Variants in SEC24A observed in about 807,000 individuals in gnomAD.
SEC24A encodes protein transport protein Sec24A.
Under a neutral mutation model 129.4 loss-of-function variants are expected in SEC24A, and 93 were observed. The ratio of observed to expected loss-of-function variants is 0.72; its 90% CI spans 0.61 to 0.85. SEC24A has a LOEUF of 0.85. SEC24A is among the 40% of genes least tolerant of loss of function. The probability of loss-of-function intolerance (pLI) is 0.00; values close to 1 mark genes in which losing one functional copy is unlikely to be tolerated. For missense variants in SEC24A, 1,264 were observed against 1,307.4 expected (o/e 0.97, Z 0.51); for synonymous variants, 460 against 467.3 (o/e 0.98, Z 0.20).
intron 12 of SEC24A, chr5:134,693,105 G>A: frequency 6.5e-7 from 1 of 1,535,834 alleles, no homozygotes; most frequent in East Asian, 2.4e-5. Flanking sequence ...ACAGTGAGAG[G>A]TGAACAGAAT....
chr5:134,652,773 T>G (rs1750105727), intron 1 of SEC24A, among the ~76,000 whole-genome samples: 1 of 151,834 alleles, frequency 6.6e-6, no homozygotes, highest in Non-Finnish European at 1.5e-5. Flanking sequence ...ATTTTGTATT[T>G]TGTTTGTTTG....
chr5:134,705,917 C>T (rs1031998854), intron 17 of SEC24A, among the ~76,000 whole-genome samples: 2 of 146,178 alleles, frequency 1.4e-5, no homozygotes, highest in East Asian at 2.0e-4. Flanking sequence ...GATGGAGTCT[C>T]GCTCTTATTG....
chr5:134,679,197 T>A (rs1389992659), intron 7 of SEC24A, among the ~76,000 whole-genome samples: 6 of 152,062 alleles, frequency 3.9e-5, no homozygotes, highest in African/African-American at 1.4e-4. Flanking sequence ...ATGCTCCCAC[T>A]TCAACCCAGC....
Position 134,674,658 on chromosome 5 carries a change from T to C in SEC24A, c.861T>C (p.Ser287=), listed in dbSNP as rs758808255. ...LTNKNPKMSR[S]VGYSYPSLPP... ...ACAAGAATCCCAAAATGAGCCGAAG[T>C]GTTGGATATTCATATCCCTCCTTAC... Residue 287 remains serine (S), a synonymous_variant, in exon 5 of 23, where the codon AGT becomes AGC. Coordinates refer to ENST00000398844, the MANE Select transcript of SEC24A (RefSeq NM_021982.3). 5.6e-6 allele frequency: 9 copies of C among 1,613,820 alleles called. No homozygotes were observed. In the East Asian group the frequency reaches 1.8e-4, roughly 32 times the overall value.
chr5:134,723,670 G>T lies in SEC24A; in HGVS notation c.3167G>T (p.Arg1056Met). 6.4e-7 allele frequency: 1 copy of T among 1,565,628 alleles called. No homozygotes were observed. Among genetic ancestry groups the T allele is most frequent in the Non-Finnish European group, 8.8e-7 (1 of 1,137,128 alleles). The change falls in exon 22 of 23, where the codon AGG (arginine) becomes ATG (methionine). Residue 1056 changes from arginine (R) to methionine (M), a missense_variant and splice_region_variant. By Grantham distance (91) the Arg-to-Met change is moderately conservative. Coordinates refer to ENST00000398844, the MANE Select transcript of SEC24A (RefSeq NM_021982.3). ...RPFFPILYVI[R>M]DESPMKANFL... ...TTTTTCCCAATACTTTATGTAATAA[G>T]GTAAGTTGAATTTTCCATTTGCTAG...
intron 9 of SEC24A, among the ~76,000 whole-genome samples, chr5:134,686,272 T>C (rs1580711131): frequency 6.6e-6 from 1 of 151,906 alleles, no homozygotes; most frequent in Admixed American, 6.6e-5. Context: ...TCTCACTTTG[T>C]CGCCCAGGCT....
chr5:134,713,013 G>A (rs1214962565), intron 18 of SEC24A, among the ~76,000 whole-genome samples: 2 of 135,882 alleles, frequency 1.5e-5, no homozygotes, highest in East Asian at 2.3e-4. Context: ...CTCACTGCAA[G>A]CTCCGCCTCC....
intron 15 of SEC24A, among the ~76,000 whole-genome samples, chr5:134,703,558 G>A (rs781601612): frequency 5.9e-5 from 9 of 152,118 alleles, no homozygotes; most frequent in African/African-American, 1.2e-4. Context: ...GTGAGCTACC[G>A]CACCTGACCC....
In SEC24A at chr5:134,648,853, C is replaced by T. The variant is rs1161395305; in HGVS notation, c.-224C>T. ...CGCCTTCTAGCCGGGCGTTCGCGGC[C>T]CCGCCGGCCCGACTCTCAAGCCTCA... is the stretch of plus-strand genomic sequence containing the variant. On this transcript the variant is annotated 5_prime_UTR_variant, in exon 1 of 23. Coordinates refer to ENST00000398844, the MANE Select transcript of SEC24A (RefSeq NM_021982.3). 7.6e-6 allele frequency: 3 copies of T among 394,480 alleles called. No homozygotes were observed. Among genetic ancestry groups the T allele is most frequent in the East Asian group, 7.9e-5 (2 of 25,332 alleles). 24.4% of individuals were successfully genotyped at this position (394,480 alleles called of 1,614,324 possible).
chr5:134,649,823 G>A (rs956561168), intron 1 of SEC24A, among the ~76,000 whole-genome samples: 1 of 152,210 alleles, frequency 6.6e-6, no homozygotes, highest in Non-Finnish European at 1.5e-5. Context: ...GTACATTATA[G>A]TTTGTCATTT....
intron 5 of SEC24A, 63 bp downstream of exon 5, chr5:134,674,838 A>G (rs549930044): frequency 1.4e-6 from 2 of 1,420,762 alleles, no homozygotes; most frequent in African/African-American, 2.9e-5. Flanking sequence ...ATACACATGA[A>G]GAAAGTTTTA....
Position 134,703,887 on chromosome 5 carries a change from CAGTT to C in SEC24A, c.2396_2399del (p.Gln799ArgfsTer28), listed in dbSNP as rs1752076881. On this transcript the variant is annotated frameshift_variant, in exon 16 of 23. Transcript: ENST00000398844. LOFTEE classifies it high-confidence loss of function. ...AGTGGAAGAGAGTCTTACTGACACT[CAGTT>C]GGTTTCTTTTCAGTCAGCACTCTTG... 2.5e-6 allele frequency: 4 copies of C among 1,609,604 alleles called. No homozygotes were observed. The highest frequency in any genetic ancestry group is 3.4e-6 in the Non-Finnish European group (4 of 1,176,316).
At chr5:134,653,445 T>C (rs1442989007) in intron 1 of SEC24A, among the ~76,000 whole-genome samples, 1 of 152,042 alleles carries the variant, frequency 6.6e-6, no homozygotes, top group Non-Finnish European at 1.5e-5. Context: ...AAAACAGAGC[T>C]GCACTCTGTT....
chr5:134,716,937 T>G (rs546984314), intron 19 of SEC24A, among the ~76,000 whole-genome samples: 43 of 149,998 alleles, frequency 2.9e-4, no homozygotes, highest in Admixed American at 2.0e-4. Flanking sequence ...TGGAGTGCAA[T>G]GGACTGATCT....
chr5:134,657,325 A>G (rs1045556622), intron 1 of SEC24A, among the ~76,000 whole-genome samples: 2 of 151,964 alleles, frequency 1.3e-5, no homozygotes, highest in Non-Finnish European at 2.9e-5. Flanking sequence ...CTGGGATTGC[A>G]GGCATGAGCC....
intron 19 of SEC24A, among the ~76,000 whole-genome samples, chr5:134,716,078 A>C (rs1157710228): frequency 6.6e-6 from 1 of 152,186 alleles, no homozygotes; most frequent in African/African-American, 2.4e-5. Flanking sequence ...ATTTACCAGA[A>C]TTAAAGTCAC....
intron 13 of SEC24A, among the ~76,000 whole-genome samples, chr5:134,694,431 G>A (rs1468046695): frequency 4.0e-5 from 6 of 151,896 alleles, no homozygotes; most frequent in Non-Finnish European, 7.4e-5. Flanking sequence ...AGGCTGAGGC[G>A]GGCGGATCAC....
At chr5:134,657,251 A>G (rs940973982) in intron 1 of SEC24A, among the ~76,000 whole-genome samples, 13 of 151,008 alleles carry the variant, frequency 8.6e-5, no homozygotes, top group African/African-American at 3.2e-4. Context: ...GGGACTTGCT[A>G]TTGCCCAGGC....
intron 6 of SEC24A, among the ~76,000 whole-genome samples, chr5:134,675,470 G>A (rs1351232930): frequency 6.6e-6 from 1 of 152,056 alleles, no homozygotes; most frequent in African/African-American, 2.4e-5. Flanking sequence ...TATCATTATG[G>A]TGGTTACTTT....
Sources: allele counts gnomAD v4.1 joint callset (sites outside exome capture counted in the v4.1 genomes callset), GRCh38; gene constraint gnomAD v4.1.1; transcripts MANE v1.5; gene names NCBI Gene and HGNC (gene_info 2026-07-23, HGNC 2026-07-21).